Variants in NFIB observed in about 807,000 individuals in gnomAD.
NFIB encodes the protein nuclear factor 1 B-type.
In NFIB, 11 loss-of-function variants were observed where a neutral mutation model predicts 61.5. The ratio of observed to expected loss-of-function variants is 0.18; its 90% CI spans 0.11 to 0.30. The LOEUF (loss-of-function observed/expected upper bound fraction) is 0.30. NFIB is among the 10% of genes least tolerant of loss of function. The probability of loss-of-function intolerance (pLI) is 1.00; values close to 1 mark genes in which losing one functional copy is unlikely to be tolerated. For synonymous variants in NFIB, 260 were observed against 216.5 expected (o/e 1.20, Z -1.76); for missense variants, 471 against 608.9 (o/e 0.77, Z 2.38).
At chr9:14,240,363 T>G (rs2054229655) in intron 2 of NFIB, among the ~76,000 whole-genome samples, 1 of 152,182 alleles carries the variant, frequency 6.6e-6, no homozygotes, top group Non-Finnish European at 1.5e-5. Context: ...TATTCAGACA[T>G]GCATAATGCT....
At chr9:14,429,002 T>C in the NFIB span, among the ~76,000 whole-genome samples, 20 of 152,274 alleles carry the variant, frequency 1.3e-4, no homozygotes, top group South Asian at 2.3e-3. Context: ...GACCGGGACC[T>C]CCCTGCCTGG....
At chr9:14,284,801 T>G (rs185656623) in intron 2 of NFIB, among the ~76,000 whole-genome samples, 1 of 152,190 alleles carries the variant, frequency 6.6e-6, no homozygotes, top group Non-Finnish European at 1.5e-5. Context: ...GTGAGTGGGA[T>G]AGGGAAGATC....
intron 2 of NFIB, among the ~76,000 whole-genome samples, chr9:14,224,276 A>C (rs2052073700): frequency 1.3e-5 from 2 of 152,214 alleles, no homozygotes; most frequent in Non-Finnish European, 2.9e-5. Flanking sequence ...TTCAGTTTCC[A>C]CATGATGTTC....
intron 2 of NFIB, among the ~76,000 whole-genome samples, chr9:14,248,681 C>T (rs1287446453): frequency 6.6e-6 from 1 of 152,176 alleles, no homozygotes; most frequent in Non-Finnish European, 1.5e-5. Flanking sequence ...TAGCTCCTCT[C>T]CAAGAACAGG....
the NFIB span, among the ~76,000 whole-genome samples, chr9:14,439,740 T>A: frequency 6.6e-6 from 1 of 151,934 alleles, no homozygotes; most frequent in Non-Finnish European, 1.5e-5. Flanking sequence ...TGCCTCAGGG[T>A]CCGGACAGGT....
rs370533543 is a variant in NFIB at position 14,368,071 on chromosome 9, C to G, written c.108+30453G>C. 7.3e-5 allele frequency among the ~76,000 whole-genome samples: 11 copies of G among 151,214 alleles called. No individual in the cohort carries two copies. The East Asian group carries it at 2.0e-3, about 27-fold the overall frequency. The stretch of plus-strand genomic sequence containing the variant: ...ACCTATGTACACCATGGCACATGTA[C>G]CAAACTTGGGACATGTATACCTATG... On this transcript the variant is annotated intron_variant, in intron 1 of 8. Coordinates refer to the NFIB transcript ENST00000380934.
rs1282439354 is a variant in NFIB at position 14,086,749 on chromosome 9, G to C, written c.*1560C>G. 1 of 206,218 alleles carries C rather than the reference G, an allele frequency of 4.8e-6. No individual in the cohort carries two copies. Among genetic ancestry groups the C allele is most frequent in the African/African-American group, 2.3e-5 (1 of 43,382 alleles). 12.8% of individuals were successfully genotyped at this position (206,218 alleles called of 1,614,324 possible). ...AATGATAATAAATGCAGCAAAACAA[G>C]TGTAGTGATGTCACTTTGTTGTATT... On this transcript the variant is annotated 3_prime_UTR_variant, in exon 11 of 11. Coordinates refer to ENST00000380953, the MANE Select transcript of NFIB (RefSeq NM_001190737.2).
chr9:14,200,178 C>G (rs768382352), intron 2 of NFIB, among the ~76,000 whole-genome samples: 2 of 152,074 alleles, frequency 1.3e-5, no homozygotes, highest in African/African-American at 4.8e-5. Context: ...AAACTCAAAG[C>G]AAAATTTCAA....
chr9:14,389,183 G>A (rs146008390), intron 1 of NFIB, among the ~76,000 whole-genome samples: 1 of 152,234 alleles, frequency 6.6e-6, no homozygotes, highest in East Asian at 1.9e-4. Context: ...CATGAAGTTA[G>A]GCCCTGTTAA....
intron 1 of NFIB, among the ~76,000 whole-genome samples, chr9:14,332,188 C>G (rs915555994): frequency 1.3e-5 from 2 of 151,930 alleles, no homozygotes; most frequent in Non-Finnish European, 2.9e-5. Flanking sequence ...CAAAAACTAA[C>G]TGGGCGTCGT....
intron 2 of NFIB, among the ~76,000 whole-genome samples, chr9:14,214,674 A>G (rs2050664166): frequency 2.0e-5 from 3 of 152,242 alleles, no homozygotes; most frequent in South Asian, 2.1e-4. Context: ...AGCAGCCAAC[A>G]TTTTTGAACT....
chr9:14,381,123 T>C (rs989754943), intron 1 of NFIB, among the ~76,000 whole-genome samples: 3 of 150,772 alleles, frequency 2.0e-5, no homozygotes, highest in African/African-American at 4.9e-5. Flanking sequence ...CCTATTTGTA[T>C]ACCTTCTGTA....
chr9:14,524,474 AAAT>A, the NFIB span, among the ~76,000 whole-genome samples: 1 of 152,206 alleles, frequency 6.6e-6, no homozygotes, highest in African/African-American at 2.4e-5. Flanking sequence ...GTGTGAGTTA[AAAT>A]AATAATTTCA....
chr9:14,293,897 C>T (rs1232580998), intron 2 of NFIB, among the ~76,000 whole-genome samples: 2 of 152,140 alleles, frequency 1.3e-5, no homozygotes, highest in Non-Finnish European at 2.9e-5. Context: ...TTACTAAAAA[C>T]AGTCTGTCTA....
chr9:14,376,811 C>T (rs978657045), intron 1 of NFIB, among the ~76,000 whole-genome samples: 3 of 151,116 alleles, frequency 2.0e-5, no homozygotes, highest in Admixed American at 6.6e-5. Flanking sequence ...AGCCACTGCG[C>T]CTGGCTTAAA....
rs2060057894 is a variant in NFIB, at chr9:14,307,072, G to C, written c.479C>G (p.Pro160Arg). The C allele has an allele frequency of 6.2e-7, 1 of 1,614,194 alleles. No individual in the cohort carries two copies. Among genetic ancestry groups the C allele is most frequent in the South Asian group, 1.1e-5 (1 of 91,090 alleles). The change falls in exon 2 of 11, where the codon CCA (proline) becomes CGA (arginine). Residue 160 changes from proline to arginine, a missense_variant. This residue lies in a region of NFIB where 99 missense variants were observed against 213.3 expected (regional missense o/e 0.46). Coordinates refer to ENST00000380953, the MANE Select transcript of NFIB (RefSeq NM_001190737.2). This position sits in a 1 kb window ranked among gnomAD's most constrained non-coding sequence, Gnocchi z 5.3. ...ATGATGTGGCTGGACACAAAGTGCT[G>C]GGTTTGTGCAATGTGGGGATTTCAT... ...RLMKSPHCTN[P>R]ALCVQPHHIT...
intron 1 of NFIB, among the ~76,000 whole-genome samples, chr9:14,368,003 A>T (rs1417965343): frequency 2.0e-5 from 3 of 152,180 alleles, no homozygotes; most frequent in South Asian, 4.1e-4. Context: ...CGTTCTGCAC[A>T]TGTATCCCAG....
the NFIB span, among the ~76,000 whole-genome samples, chr9:14,487,419 T>C: frequency 6.6e-6 from 1 of 152,210 alleles, no homozygotes; most frequent in Admixed American, 6.5e-5. Context: ...AACGAAATTG[T>C]CCATTAGAAT....
chr9:14,123,150 G>A (rs1045857358), intron 7 of NFIB, among the ~76,000 whole-genome samples: 3 of 151,442 alleles, frequency 2.0e-5, no homozygotes, highest in Admixed American at 6.6e-5. Flanking sequence ...CCAGTTACTC[G>A]GGAGGCTGAG....
Sources: gnomAD v4.1 joint callset for allele counts (sites outside exome capture counted in the v4.1 genomes callset) on GRCh38, gnomAD v4.1.1 for gene constraint, gnomAD v4.1.1 regional missense constraint, Gnocchi (gnomAD v3.1) non-coding constraint, MANE v1.5 for transcripts, NCBI Gene and HGNC (gene_info 2026-07-23, HGNC 2026-07-21) for gene names.